Variants in RASGEF1A observed in about 807,000 individuals in gnomAD.
RASGEF1A encodes the protein RasGEF domain family member 1A, also known as ras-GEF domain-containing family member 1A.
In RASGEF1A, 18 loss-of-function variants were observed where a neutral mutation model predicts 56.4. The ratio of observed to expected loss-of-function variants is 0.32; its 90% CI spans 0.22 to 0.47. RASGEF1A has a LOEUF of 0.47. Ranked by LOEUF, RASGEF1A falls within the 20% of genes least tolerant of loss-of-function variation. The pLI is 1.00. For synonymous variants in RASGEF1A, 245 were observed against 242.6 expected (o/e 1.01, Z -0.09); for missense variants, 422 against 627.1 (o/e 0.67, Z 3.49).
In RASGEF1A at chr10:43,199,776, G is replaced by A; in HGVS notation, c.757-8C>T. ...GGTCAGGTCCCCTCGGCACTGGAAA[G>A]GACACAGCAGGTCATAGGGGGCCTG... is the stretch of plus-strand genomic sequence containing the variant. On this transcript the variant is annotated splice_region_variant and splice_polypyrimidine_tract_variant and intron_variant, in intron 6 of 12. Transcript: ENST00000395810. 2 of 1,611,150 alleles carry A rather than the reference G, an allele frequency of 1.2e-6. No homozygotes were observed. The highest frequency in any genetic ancestry group is 1.3e-5 in the African/African-American group (1 of 75,030).
intron 1 of RASGEF1A, among the ~76,000 whole-genome samples, chr10:43,231,054 G>A (rs967329160): frequency 1.3e-5 from 2 of 152,268 alleles, no homozygotes; most frequent in Admixed American, 6.5e-5. Context: ...TTACTGCGTG[G>A]TATGCAGCGC....
intron 1 of RASGEF1A, chr10:43,229,577 A>C (rs1337234358): frequency 7.1e-7 from 1 of 1,399,052 alleles, no homozygotes; most frequent in Non-Finnish European, 9.6e-7. Context: ...ACCCCTCCCG[A>C]GCCCGACAGC....
In RASGEF1A at chr10:43,199,002, G is replaced by A. The variant is rs142082950; in HGVS notation, c.963C>T (p.Asn321=). 1.9e-4 allele frequency: 275 copies of A among 1,457,006 alleles called. No individual in the cohort carries two copies. The African/African-American group carries it at 3.5e-3, about 19-fold the overall frequency. The allele number at this position is 1,457,006 out of a possible 1,614,324, so 90.3% of individuals were successfully genotyped here. Residue 321 remains asparagine, a synonymous_variant, in exon 9 of 13, where the codon AAC becomes AAT. Transcript: ENST00000395810. The stretch of plus-strand genomic sequence containing the variant: ...TCTTCAGCCTTGCCACAGGACTGAG[G>A]TTCATGCCAGCTGCAGAGGACAGCA... ...NSMMAIISGM[N]LSPVARLKKT...
chr10:43,254,559 C>T (rs1244842348), intron 1 of RASGEF1A, among the ~76,000 whole-genome samples: 4 of 152,200 alleles, frequency 2.6e-5, no homozygotes, highest in Non-Finnish European at 4.4e-5. Context: ...TTGCAGGGCC[C>T]GGAACTGACA....
chr10:43,231,830 G>C (rs778799064), intron 1 of RASGEF1A, among the ~76,000 whole-genome samples: 4 of 152,272 alleles, frequency 2.6e-5, no homozygotes, highest in Non-Finnish European at 5.9e-5. Flanking sequence ...GTCCTGCAGG[G>C]AGGGCTGGTG....
intron 1 of RASGEF1A, among the ~76,000 whole-genome samples, chr10:43,233,902 T>C (rs538604271): frequency 3.6e-4 from 55 of 152,126 alleles, no homozygotes; most frequent in African/African-American, 1.3e-3. Flanking sequence ...AGCTGTGGCA[T>C]GTGTCACTCA....
intron 1 of RASGEF1A, chr10:43,208,906 C>T (rs1321515065): frequency 1.1e-5 from 11 of 985,540 alleles, no homozygotes; most frequent in Non-Finnish European, 1.3e-5. Flanking sequence ...ACTCCTTGTT[C>T]CTGGGTGCAT....
At chr10:43,218,057 G>A (rs908051627) in intron 1 of RASGEF1A, among the ~76,000 whole-genome samples, 7 of 152,228 alleles carry the variant, frequency 4.6e-5, no homozygotes, top group Non-Finnish European at 1.0e-4. Flanking sequence ...ACCCTCCTCT[G>A]TGAGATGCCA....
chr10:43,222,116 GCA>G (rs148700448), intron 1 of RASGEF1A, among the ~76,000 whole-genome samples: 10,167 of 152,246 alleles, frequency 0.067, 915 homozygotes, highest in African/African-American at 0.2. Flanking sequence ...ATCCCAACCT[GCA>G]CAGTGTGTGA....
At chr10:43,245,221 G>A (rs1400971811) in intron 1 of RASGEF1A, among the ~76,000 whole-genome samples, 4 of 152,142 alleles carry the variant, frequency 2.6e-5, no homozygotes. Context: ...AATTCCTAGA[G>A]AAACACAAAC....
chr10:43,199,214 C>T lies in RASGEF1A; in HGVS notation c.850-20G>A. 1 of 1,575,000 alleles carries T rather than the reference C, an allele frequency of 6.3e-7. No homozygotes were observed. On this transcript the variant is annotated intron_variant, in intron 7 of 12. Transcript: ENST00000395810. ...CACCACCTGGAAGGTGGCAGGTGAC[C>T]TCAGCATGGCGCTGCCGGGGGACAG...
chr10:43,197,926 G>A (rs986372563), intron 10 of RASGEF1A, 78 bp downstream of exon 10: 14 of 1,320,356 alleles, frequency 1.1e-5, no homozygotes, highest in Middle Eastern at 2.0e-4. Context: ...CACAGATCCC[G>A]ACCCAGGGCT....
At chr10:43,256,393 C>T (rs760195834) in intron 1 of RASGEF1A, among the ~76,000 whole-genome samples, 7 of 152,046 alleles carry the variant, frequency 4.6e-5, no homozygotes, top group Non-Finnish European at 1.0e-4. Flanking sequence ...AAGGGCTGAG[C>T]GGCTTGTCAC....
intron 1 of RASGEF1A, among the ~76,000 whole-genome samples, chr10:43,225,579 G>GTC (rs1331229101): frequency 6.9e-6 from 1 of 145,726 alleles, no homozygotes; most frequent in African/African-American, 2.5e-5. Flanking sequence ...GTGTATGGGT[G>GTC]TGTGTGTGTG....
intron 1 of RASGEF1A, among the ~76,000 whole-genome samples, chr10:43,249,216 C>T (rs1291100109): frequency 6.6e-6 from 1 of 152,214 alleles, no homozygotes; most frequent in Non-Finnish European, 1.5e-5. Context: ...GTAGCCAAGA[C>T]CTGTAGCCAT....
chr10:43,214,378 C>A (rs1840107355), intron 1 of RASGEF1A, among the ~76,000 whole-genome samples: 1 of 152,260 alleles, frequency 6.6e-6, no homozygotes, highest in South Asian at 2.1e-4. Flanking sequence ...AGGCTTGACA[C>A]CACCGTGGCC....
intron 6 of RASGEF1A, 75 bp downstream of exon 6, chr10:43,200,107 A>T: frequency 7.9e-7 from 1 of 1,267,600 alleles, no homozygotes; most frequent in Non-Finnish European, 1.1e-6. Flanking sequence ...AGTGAGGCCC[A>T]CACCCACCCT....
intron 7 of RASGEF1A, 110 bp from the exon 8 acceptor site, chr10:43,199,304 G>A: frequency 2.5e-6 from 2 of 805,416 alleles, no homozygotes; most frequent in Non-Finnish European, 2.1e-6. Flanking sequence ...TTAGCTTCTG[G>A]CCACAGCGGG....
rs1292802210 is a variant in RASGEF1A, at chr10:43,205,921, C to T, written c.196G>A (p.Asp66Asn). The stretch of plus-strand genomic sequence containing the variant: ...TCCACAAGGCCCCACGTACTCACAT[C>T]GGGGTAATAGTCCACCGTGGGAACA... ...HLVPTVDYYPDRTYIFTFLLS... is the reference protein window; with the variant it reads ...HLVPTVDYYPNRTYIFTFLLS... The change falls in exon 2 of 13, where the codon GAT (aspartate) becomes AAT (asparagine). Residue 66 changes from aspartate to asparagine, a missense_variant and splice_region_variant. Asp to Asn is a conservative substitution (Grantham distance 23). Around this residue, in one of 2 missense-constraint regions of RASGEF1A, gnomAD observed 273 missense variants for 339.9 expected, o/e 0.80. Transcript: ENST00000395810. 1.1e-5 allele frequency: 17 copies of T among 1,610,398 alleles called. No homozygotes were observed. Among genetic ancestry groups the T allele is most frequent in the Non-Finnish European group, 1.4e-5 (17 of 1,177,382 alleles).
Sources: allele counts gnomAD v4.1 joint callset (sites outside exome capture counted in the v4.1 genomes callset), GRCh38; gene constraint gnomAD v4.1.1; regional missense constraint gnomAD v4.1.1; transcripts MANE v1.5; gene names NCBI Gene and HGNC (gene_info 2026-07-23, HGNC 2026-07-21).